The following PRRG4 variants were observed in gnomAD, a reference collection of about 807,000 sequenced individuals.
PRRG4 encodes the protein proline rich and Gla domain 4, also known as transmembrane gamma-carboxyglutamic acid protein 4.
In PRRG4, 12 loss-of-function variants were observed where a neutral mutation model predicts 20.0. The observed-to-expected ratio is 0.60, with a 90% confidence interval of 0.38 to 0.97. The LOEUF is 0.97. PRRG4 is among the 50% of genes least tolerant of loss of function. PRRG4 has a pLI of 0.00. For synonymous variants in PRRG4, 94 were observed against 96.4 expected (o/e 0.98, Z 0.15); for missense variants, 199 against 265.1 (o/e 0.75, Z 1.73).
At position 32,853,519 on chromosome 11, in the gene PRRG4, T is replaced by C; in HGVS notation, c.673T>C (p.Ser225Pro). The C allele has an allele frequency of 1.3e-5, 21 of 1,610,006 alleles. No individual in the cohort carries two copies. The highest frequency in any genetic ancestry group is 1.8e-5 in the Non-Finnish European group (21 of 1,177,014). The change falls in exon 6 of 6, where the codon TCT becomes CCT. Residue 225 changes from serine (S) to proline (P), a missense_variant. By Grantham distance (74) the Ser-to-Pro change is moderately conservative. Transcript: ENST00000257836. The stretch of plus-strand genomic sequence containing the variant: ...ATTTAAAAAATCTATGTCTCTCCCA[T>C]CTCACTGACTACCTTGTCATTTTGG... ...RVFKKSMSLP[S>P]H
intron 5 of PRRG4, among the ~76,000 whole-genome samples, chr11:32,851,444 C>G (rs1173248032): frequency 6.6e-6 from 1 of 152,190 alleles, no homozygotes; most frequent in Non-Finnish European, 1.5e-5. Context: ...AGATTTCTGA[C>G]AGAGGAGGAA....
At chr11:32,846,689 A>T (rs1851133722) in intron 5 of PRRG4, among the ~76,000 whole-genome samples, 1 of 152,144 alleles carries the variant, frequency 6.6e-6, no homozygotes, top group Non-Finnish European at 1.5e-5. Flanking sequence ...GAAGTCGTAG[A>T]ACTTGATGCC....
intron 2 of PRRG4, among the ~76,000 whole-genome samples, chr11:32,836,389 G>T (rs1851019797): frequency 6.6e-6 from 1 of 152,098 alleles, no homozygotes; most frequent in Admixed American, 6.6e-5. Context: ...GGAGGGAAAA[G>T]AGATATTTAA....
intron 4 of PRRG4, 42 bp downstream of exon 4, chr11:32,838,972 C>T (rs778534467): frequency 7.1e-7 from 1 of 1,407,584 alleles, no homozygotes; most frequent in East Asian, 2.3e-5. Flanking sequence ...TTCTCATCCT[C>T]TCTCTGTTGT....
intron 5 of PRRG4, among the ~76,000 whole-genome samples, chr11:32,843,708 G>A (rs940559644): frequency 1.4e-5 from 2 of 144,452 alleles, no homozygotes; most frequent in African/African-American, 5.2e-5. Flanking sequence ...TCACTGTTGT[G>A]CAACCAATCT....
At position 32,840,328 on chromosome 11, in the gene PRRG4, C is replaced by A; in HGVS notation, c.449+89C>A. The A allele has an allele frequency of 1.0e-6, 1 of 961,588 alleles. No individual in the cohort carries two copies. The highest frequency in any genetic ancestry group is 1.6e-6 in the Non-Finnish European group (1 of 640,190). The allele number at this position is 961,588 out of a possible 1,614,324, so 59.6% of individuals were successfully genotyped here. ...GGTCAAGCAAATGGCTGCCTATTTT[C>A]TTAAATAAGCCTTTTATTTTGGAAG... On this transcript the variant is annotated intron_variant, in intron 5 of 5. Coordinates refer to ENST00000257836, the MANE Select transcript of PRRG4 (RefSeq NM_024081.6). The surrounding 1 kb of genome is among the most constrained non-coding windows in gnomAD (Gnocchi z 4.1).
At chr11:32,830,905 C>G (rs2133434494) in intron 2 of PRRG4, among the ~76,000 whole-genome samples, 1 of 152,262 alleles carries the variant, frequency 6.6e-6, no homozygotes, top group South Asian at 2.1e-4. Context: ...TTCTGAAAAT[C>G]AGTGAGTGAC....
intron 5 of PRRG4, among the ~76,000 whole-genome samples, chr11:32,842,039 T>C (rs1455595422): frequency 6.6e-6 from 1 of 152,154 alleles, no homozygotes; most frequent in African/African-American, 2.4e-5. Flanking sequence ...TAAAAGAGGA[T>C]TGTACAACTA....
chr11:32,839,422 TTAGG>T (rs1851053826), intron 4 of PRRG4, among the ~76,000 whole-genome samples: 1 of 152,026 alleles, frequency 6.6e-6, no homozygotes, highest in Non-Finnish European at 1.5e-5. Context: ...TTCATTCCTC[TTAGG>T]TAGGGCCCCC....
chr11:32,843,538 C>T (rs1851098993), intron 5 of PRRG4, among the ~76,000 whole-genome samples: 1 of 151,762 alleles, frequency 6.6e-6, no homozygotes, highest in African/African-American at 2.4e-5. Context: ...AAGAAATGTT[C>T]GTTACATGTC....
At position 32,853,891 on chromosome 11, in the gene PRRG4, A is replaced by AAGGAGG. The variant is rs67566376; in HGVS notation, c.*376_*381dup. On this transcript the variant is annotated 3_prime_UTR_variant, in exon 6 of 6. Transcript: ENST00000257836. ...AAAAGAGAAGAAGGAGAAGGAGATG[A>AAGGAGG]AGGAGGAGGAGGAGGAGAAGGAGAA... 4 of 182,136 alleles carry AAGGAGG rather than the reference A, an allele frequency of 2.2e-5. No homozygotes were observed. The highest frequency in any genetic ancestry group is 3.5e-5 in the Non-Finnish European group (3 of 85,034). The allele number at this position is 182,136 out of a possible 1,614,324, so 11.3% of individuals were successfully genotyped here. A position where few individuals can be genotyped will look rare whatever the true frequency, so the allele number is the denominator to read the frequency against.
chr11:32,851,076 A>AAAT (rs113546084), intron 5 of PRRG4, among the ~76,000 whole-genome samples: 2,713 of 151,840 alleles, frequency 0.018, 84 homozygotes, highest in African/African-American at 0.06. Context: ...TCAGTCGCAA[A>AAAT]AATAATAATA....
rs117264838 is a variant in PRRG4 at position 32,833,273 on chromosome 11, G to A, written c.103+2641G>A. Among the ~76,000 whole-genome samples the A allele has an allele frequency of 5.9e-3, 892 of 152,190 alleles. 7 individuals are homozygous for A. The highest frequency in any genetic ancestry group is 9.7e-3 in the Non-Finnish European group (660 of 68,024). On this transcript the variant is annotated intron_variant, in intron 2 of 5. Coordinates refer to ENST00000257836, the MANE Select transcript of PRRG4 (RefSeq NM_024081.6). ...ATTTAATACAGTGTTAATCATAATA[G>A]CATGATTAATCATAAATATCATATT... is the stretch of plus-strand genomic sequence containing the variant.
rs773224839 is a variant in PRRG4, at chr11:32,853,689, G to T, written c.*162G>T. The stretch of plus-strand genomic sequence containing the variant: ...CTAAAAATTCAAAAATTACCTAGGC[G>T]TCATGGGGCATGCCTGTAGTCCCAC... On this transcript the variant is annotated 3_prime_UTR_variant, in exon 6 of 6. Coordinates refer to ENST00000257836, the MANE Select transcript of PRRG4 (RefSeq NM_024081.6). 31 of 570,918 alleles carry T rather than the reference G, an allele frequency of 5.4e-5. No individual in the cohort carries two copies. Among genetic ancestry groups the T allele is most frequent in the Non-Finnish European group, 7.8e-5 (25 of 321,604 alleles). The allele number at this position is 570,918 out of a possible 1,614,324, so 35.4% of individuals were successfully genotyped here.
rs1851221234 is a variant in PRRG4, at chr11:32,855,367, T to G, written c.*1840T>G. Reference sequence around the variant, plus strand: ...ACTCCTGAAAAATAGAATAGAAATTTCTGTGCTTTATGTTTTTGCCAGGCT... The same window carrying G: ...ACTCCTGAAAAATAGAATAGAAATTGCTGTGCTTTATGTTTTTGCCAGGCT... On this transcript the variant is annotated 3_prime_UTR_variant, in exon 6 of 6. Coordinates refer to ENST00000257836, the MANE Select transcript of PRRG4 (RefSeq NM_024081.6). 8.2e-6 allele frequency: 1 copy of G among 122,300 alleles called. No homozygotes were observed. Among genetic ancestry groups the G allele is most frequent in the Non-Finnish European group, 1.7e-5 (1 of 60,272 alleles). 7.6% of individuals were successfully genotyped at this position (122,300 alleles called of 1,614,324 possible).
chr11:32,834,648 T>C (rs1324021237), intron 2 of PRRG4, among the ~76,000 whole-genome samples: 1 of 152,142 alleles, frequency 6.6e-6, no homozygotes, highest in African/African-American at 2.4e-5. Flanking sequence ...TTTAAGAATG[T>C]ATTTAATTTA....
intron 5 of PRRG4, among the ~76,000 whole-genome samples, chr11:32,844,245 T>C (rs999680291): frequency 2.0e-5 from 3 of 152,084 alleles, no homozygotes; most frequent in Non-Finnish European, 2.9e-5. Context: ...TGTGAGTAAA[T>C]TGAAGGTAAT....
At chr11:32,829,835 C>A, upstream of PRRG4, 2 of 985,392 alleles carry the variant, frequency 2.0e-6, no homozygotes, top group Non-Finnish European at 2.4e-6. Flanking sequence ...CGGGAGACGC[C>A]GGCCCACTGC....
chr11:32,857,180 C>T lies in PRRG4; in HGVS notation c.*3653C>T, dbSNP rs761283. ...TTTTTTTTTTTTTTCCAGAAGGAGT[C>T]TCACTTTGTCACCCAGGCTGGAGTG... On this transcript the variant is annotated 3_prime_UTR_variant, in exon 6 of 6. Coordinates refer to ENST00000257836, the MANE Select transcript of PRRG4 (RefSeq NM_024081.6). 0.39 allele frequency: 57,989 copies of T among 147,644 alleles called. 11,236 individuals carry two copies. Among genetic ancestry groups the T allele is most frequent in the South Asian group, 0.45 (2,075 of 4,600 alleles). The allele number at this position is 147,644 out of a possible 1,614,324, so 9.1% of individuals were successfully genotyped here. A position where few individuals can be genotyped will look rare whatever the true frequency, so the allele number is the denominator to read the frequency against.
Sources: gnomAD v4.1 joint callset for allele counts (sites outside exome capture counted in the v4.1 genomes callset) on GRCh38, gnomAD v4.1.1 for gene constraint, Gnocchi (gnomAD v3.1) non-coding constraint, MANE v1.5 for transcripts, NCBI Gene and HGNC (gene_info 2026-07-23, HGNC 2026-07-21) for gene names.